Variants in BLTP1 observed in about 807,000 individuals in gnomAD.
BLTP1 encodes fragile site-associated protein.
chr4:122,263,490 A>T, the BLTP1 span: 1 of 1,611,490 alleles, frequency 6.2e-7, no homozygotes, highest in Non-Finnish European at 8.5e-7. Flanking sequence ...TTGCTATCTG[A>T]GCCATCATCT....
the BLTP1 span, chr4:122,224,172 C>A: frequency 1.2e-6 from 1 of 819,182 alleles, no homozygotes; most frequent in Non-Finnish European, 1.5e-6. Context: ...TTACAAAAGA[C>A]TGGTCTCTTG....
At chr4:122,165,135 T>C in the BLTP1 span, among the ~76,000 whole-genome samples, 8 of 152,212 alleles carry the variant, frequency 5.3e-5, no homozygotes, top group East Asian at 1.4e-3. Context: ...GTTAGTTACA[T>C]ACGTGTACAT....
At chr4:122,251,021 T>C in the BLTP1 span, 1 of 985,120 alleles carries the variant, frequency 1.0e-6, no homozygotes, top group Non-Finnish European at 1.2e-6. Flanking sequence ...TTTTTATTTT[T>C]ATTATGGTAG....
the BLTP1 span, chr4:122,258,949 C>T: frequency 3.2e-6 from 2 of 620,402 alleles, no homozygotes; most frequent in Non-Finnish European, 2.7e-6. Flanking sequence ...ATTCAGATAG[C>T]ATTTTCGTGT....
chr4:122,252,141 A>G, the BLTP1 span, among the ~76,000 whole-genome samples: 1,810 of 152,344 alleles, frequency 0.012, 51 homozygotes, highest in African/African-American at 0.042. Context: ...CTGAATAACC[A>G]GCAGCAGTAC....
At chr4:122,287,529 A>G in the BLTP1 span, 20 of 981,494 alleles carry the variant, frequency 2.0e-5, no homozygotes, top group African/African-American at 3.5e-5. Context: ...CTTCAGACAC[A>G]CTGTGCTGTG....
At chr4:122,209,267 G>A in the BLTP1 span, 2 of 1,612,816 alleles carry the variant, frequency 1.2e-6, no homozygotes, top group Middle Eastern at 1.7e-4. Flanking sequence ...TCATGATACT[G>A]GTATTCCTGC....
the BLTP1 span, chr4:122,344,890 A>G: frequency 3.0e-6 from 3 of 985,000 alleles, no homozygotes; most frequent in Middle Eastern, 5.2e-4. Context: ...TTAAAACACT[A>G]AAACGGGATG....
the BLTP1 span, chr4:122,181,200 G>A: frequency 2.9e-6 from 2 of 682,880 alleles, no homozygotes; most frequent in Non-Finnish European, 3.6e-6. Flanking sequence ...AACCTAGGGA[G>A]TATTTACAAA....
chr4:122,356,625 C>A, the BLTP1 span: 1 of 1,609,840 alleles, frequency 6.2e-7, no homozygotes, highest in Non-Finnish European at 8.5e-7. Context: ...TTGCAGATGC[C>A]AGCCTGAAGC....
chr4:122,196,413 T>G, the BLTP1 span, among the ~76,000 whole-genome samples: 5 of 152,274 alleles, frequency 3.3e-5, no homozygotes, highest in South Asian at 1.0e-3. Flanking sequence ...GTAGTAATCT[T>G]GAATAGTGCA....
At chr4:122,266,515 C>T in the BLTP1 span, among the ~76,000 whole-genome samples, 2 of 151,898 alleles carry the variant, frequency 1.3e-5, no homozygotes, top group African/African-American at 4.8e-5. Flanking sequence ...TTTCCTTGTA[C>T]TTTCAGACAC....
At chr4:122,306,897 A>G in the BLTP1 span, among the ~76,000 whole-genome samples, 1 of 152,164 alleles carries the variant, frequency 6.6e-6, no homozygotes, top group Admixed American at 6.5e-5. Context: ...GAATCCTGTT[A>G]GAAAATTGCC....
chr4:122,207,227 A>G, the BLTP1 span: 1 of 1,611,756 alleles, frequency 6.2e-7, no homozygotes, highest in Non-Finnish European at 8.5e-7. Flanking sequence ...GCTAATCAAC[A>G]CAATTGGATC....
the BLTP1 span, among the ~76,000 whole-genome samples, chr4:122,354,837 T>A: frequency 6.6e-6 from 1 of 152,018 alleles, no homozygotes. Flanking sequence ...CGGCTAATTT[T>A]TGTATTTTTA....
At chr4:122,343,835 G>T in the BLTP1 span, 1 of 510,986 alleles carries the variant, frequency 2.0e-6, no homozygotes, top group South Asian at 8.4e-5. Flanking sequence ...TTTTCTAAGC[G>T]GTATACACAG....
the BLTP1 span, chr4:122,274,252 C>T: frequency 2.2e-5 from 17 of 767,082 alleles, no homozygotes; most frequent in Admixed American, 3.0e-5. Flanking sequence ...TCTTTTGCTA[C>T]TGAATATATT....
the BLTP1 span, among the ~76,000 whole-genome samples, chr4:122,185,689 A>G: frequency 5.7e-4 from 87 of 152,250 alleles, 2 homozygotes; most frequent in Non-Finnish European, 1.1e-3. Context: ...TTTACTGCAT[A>G]TATTTTGGTA....
chr4:122,299,948 G>A, the BLTP1 span: 1 of 983,018 alleles, frequency 1.0e-6, no homozygotes, highest in Non-Finnish European at 1.2e-6. Flanking sequence ...GGCACTAAGT[G>A]TACAAAGACA....
Sources: allele counts gnomAD v4.1 joint callset (sites outside exome capture counted in the v4.1 genomes callset), GRCh38; gene constraint gnomAD v4.1.1; transcripts MANE v1.5; gene names NCBI Gene and HGNC (gene_info 2026-07-23, HGNC 2026-07-21).